The following KIF9 variants were observed in gnomAD, a reference collection of about 807,000 sequenced individuals.
The protein encoded by KIF9 is kinesin family member 9.
KIF9 carries 68 observed loss-of-function variants against 94.8 expected under a neutral mutation model. That is an observed-to-expected ratio of 0.72 (90% confidence interval 0.59 to 0.88). The LOEUF (loss-of-function observed/expected upper bound fraction) is 0.88, where lower values mean the gene tolerates loss of function less well. Ranked by LOEUF, KIF9 falls within the 40% of genes least tolerant of loss-of-function variation. The pLI, the probability that KIF9 is intolerant of heterozygous loss-of-function variation, is 0.00. For synonymous variants in KIF9, 343 were observed against 362.1 expected (o/e 0.95, Z 0.60); for missense variants, 882 against 982.5 (o/e 0.90, Z 1.37).
rs1223074963 is a variant in KIF9 at position 47,255,319 on chromosome 3, G to C, written c.1059+2164C>G. On this transcript the variant is annotated intron_variant, in intron 10 of 20. Coordinates refer to ENST00000684063, the MANE Select transcript of KIF9 (RefSeq NM_182902.4). ...AACATTCTAGTTTTTGCTAATTTAA[G>C]GGTAGAATTCCAAAGAGGTTTTAAT... is the stretch of plus-strand genomic sequence containing the variant. Among the ~76,000 whole-genome samples, 4 of 152,162 alleles carry C rather than the reference G, an allele frequency of 2.6e-5. No homozygotes were observed. In the South Asian group the frequency reaches 8.3e-4, roughly 31 times the overall value.
At chr3:47,231,065 A>G (rs1282955503) in intron 20 of KIF9, among the ~76,000 whole-genome samples, 1 of 152,156 alleles carries the variant, frequency 6.6e-6, no homozygotes, top group East Asian at 1.9e-4. Flanking sequence ...AAATTACAGC[A>G]TAGAGAAATG....
chr3:47,246,143 G>T, intron 13 of KIF9, 54 bp downstream of exon 13: 1 of 1,515,740 alleles, frequency 6.6e-7, no homozygotes, highest in South Asian at 1.1e-5. Flanking sequence ...CAGATGGCAG[G>T]AGATGAAAAT....
At chr3:47,263,577 C>G in intron 9 of KIF9, 1 of 265,766 alleles carries the variant, frequency 3.8e-6, no homozygotes. Context: ...CATCTTCAGT[C>G]CCACTATTAC....
chr3:47,257,445 C>A, intron 10 of KIF9, 38 bp downstream of exon 10: 1 of 1,576,420 alleles, frequency 6.3e-7, no homozygotes, highest in Non-Finnish European at 8.7e-7. Flanking sequence ...CATACACTTT[C>A]CCCACAGTGG....
chr3:47,253,404 C>CCT (rs1293915629), intron 10 of KIF9, among the ~76,000 whole-genome samples: 1 of 152,128 alleles, frequency 6.6e-6, no homozygotes, highest in African/African-American at 2.4e-5. Flanking sequence ...GACCCGCCTG[C>CCT]CTCAGCCTCC....
chr3:47,273,601 G>A lies in KIF9; in HGVS notation c.317C>T (p.Ala106Val). ...CCCCCGGTGCTTGTAATTCTCAGTT[G>A]CCCCCATCATGGTGTATGTCTTGCC... The part of the protein sequence containing the change: ...GAGKTYTMMG[A>V]TENYKHRGIL... Residue 106 changes from alanine (A) to valine (V), a missense_variant, in exon 4 of 21, where the codon GCA becomes GTA. Ala to Val is a moderately conservative substitution (Grantham distance 64, BLOSUM62 0). Coordinates refer to ENST00000684063, the MANE Select transcript of KIF9 (RefSeq NM_182902.4). 6.2e-7 allele frequency: 1 copy of A among 1,613,416 alleles called. No homozygotes were observed. The highest frequency in any genetic ancestry group is 8.5e-7 in the Non-Finnish European group (1 of 1,179,650).
At chr3:47,247,968 A>G in intron 11 of KIF9, 50 bp downstream of exon 11, 1 of 1,412,278 alleles carries the variant, frequency 7.1e-7, no homozygotes, top group East Asian at 2.3e-5. Context: ...CCCTCTAGTC[A>G]CCCCCTACCC....
At chr3:47,280,582 G>A (rs1375357826) in intron 1 of KIF9, among the ~76,000 whole-genome samples, 5 of 152,172 alleles carry the variant, frequency 3.3e-5, no homozygotes, top group Admixed American at 6.5e-5. Flanking sequence ...TGGTGCACGC[G>A]TGTGGTCCCA....
chr3:47,228,877 C>T (rs1416850824), intron 20 of KIF9, among the ~76,000 whole-genome samples, 175 bp from the exon 21 acceptor site: 1 of 152,202 alleles, frequency 6.6e-6, no homozygotes, highest in African/African-American at 2.4e-5. Flanking sequence ...CATTCAAACT[C>T]TTTCATTCTT....
chr3:47,236,203 G>T, intron 18 of KIF9, 54 bp from the exon 19 acceptor site: 2 of 1,328,438 alleles, frequency 1.5e-6, no homozygotes, highest in Non-Finnish European at 2.2e-6. Context: ...GCTGTGTGCT[G>T]TCATCTGTCT....
intron 5 of KIF9, among the ~76,000 whole-genome samples, chr3:47,270,410 C>T (rs1166574407): frequency 1.3e-5 from 2 of 151,450 alleles, no homozygotes; most frequent in East Asian, 3.9e-4. Context: ...CCCGCCACCA[C>T]ACCCAGCTTA....
At chr3:47,232,799 G>C (rs1277495495) in intron 20 of KIF9, among the ~76,000 whole-genome samples, 2 of 150,338 alleles carry the variant, frequency 1.3e-5, no homozygotes, top group Non-Finnish European at 3.0e-5. Context: ...TAGCTAACAC[G>C]GTGAAACCCC....
intron 20 of KIF9, among the ~76,000 whole-genome samples, chr3:47,230,557 T>C (rs1575901406): frequency 6.9e-6 from 1 of 143,946 alleles, no homozygotes; most frequent in Non-Finnish European, 1.5e-5. Flanking sequence ...ACAGGAAAAA[T>C]CCCATCTCTA....
intron 20 of KIF9, among the ~76,000 whole-genome samples, chr3:47,234,144 G>C (rs1406100097): frequency 2.0e-5 from 3 of 152,126 alleles, no homozygotes; most frequent in Admixed American, 6.5e-5. Context: ...AAGTGATGGG[G>C]TGTCCTGTCA....
chr3:47,255,535 T>A (rs919347582), intron 10 of KIF9, among the ~76,000 whole-genome samples: 29 of 152,066 alleles, frequency 1.9e-4, no homozygotes, highest in African/African-American at 6.0e-4. Flanking sequence ...AACCCATGGT[T>A]TGGAGACTGG....
chr3:47,276,056 T>C (rs934624050), intron 2 of KIF9, among the ~76,000 whole-genome samples: 1 of 152,056 alleles, frequency 6.6e-6, no homozygotes, highest in Non-Finnish European at 1.5e-5. Flanking sequence ...AAATTGAGGG[T>C]GTCATCAGCA....
chr3:47,251,063 C>A (rs1041212236), intron 10 of KIF9, among the ~76,000 whole-genome samples: 2 of 152,228 alleles, frequency 1.3e-5, no homozygotes, highest in Non-Finnish European at 2.9e-5. Context: ...CCACAAAGGT[C>A]CCCTTCAGGT....
intron 1 of KIF9, chr3:47,282,072 C>A: frequency 4.9e-6 from 2 of 409,832 alleles, no homozygotes; most frequent in Non-Finnish European, 6.6e-6. Context: ...TGCCGGACCC[C>A]CGCGTGGAGC....
intron 1 of KIF9, among the ~76,000 whole-genome samples, chr3:47,280,473 A>C (rs945768811): frequency 3.9e-5 from 6 of 152,218 alleles, no homozygotes; most frequent in Non-Finnish European, 7.3e-5. Context: ...TGGGAGGCCA[A>C]TGTGGGAGGA....
Sources: gnomAD v4.1 joint callset for allele counts (sites outside exome capture counted in the v4.1 genomes callset) on GRCh38, gnomAD v4.1.1 for gene constraint, MANE v1.5 for transcripts, NCBI Gene and HGNC (gene_info 2026-07-23, HGNC 2026-07-21) for gene names.